Variants in ZNF746 observed in about 807,000 individuals in gnomAD.
ZNF746 encodes the protein zinc finger protein 746, also known as parkin-interacting substrate.
In ZNF746, 13 loss-of-function variants were observed where a neutral mutation model predicts 41.0. That is an observed-to-expected ratio of 0.32 (90% CI 0.21 to 0.50). ZNF746 has a LOEUF of 0.50. Ranked by LOEUF, ZNF746 falls within the 20% of genes least tolerant of loss-of-function variation. The probability of loss-of-function intolerance (pLI) is 0.98; values close to 1 mark genes in which losing one functional copy is unlikely to be tolerated. For synonymous variants in ZNF746, 424 were observed against 396.2 expected, an observed-to-expected ratio of 1.07 and a Z score of -0.83; for missense variants, 811 against 922.9, an observed-to-expected ratio of 0.88 and a Z score of 1.57.
At chr7:149,493,858 G>C (rs185331310) in intron 3 of ZNF746, 131 bp downstream of exon 3, 8 of 1,464,414 alleles carry the variant, frequency 5.5e-6, no homozygotes, top group Non-Finnish European at 6.5e-6. Context: ...CTTCACAAAA[G>C]GTAACAACTT....
At chr7:149,476,773 GAATGTGCA>G in intron 6 of ZNF746, 141 bp downstream of exon 6, 1 of 1,047,350 alleles carries the variant, frequency 9.5e-7, no homozygotes, top group Non-Finnish European at 1.4e-6. Context: ...ATAAATAACA[GAATGTGCA>G]AAGGGTCATA....
Position 149,476,946 on chromosome 7 carries a change from G to A in ZNF746, c.859C>T (p.Leu287Phe). 1 of 1,614,030 alleles carries A rather than the reference G, an allele frequency of 6.2e-7. No individual in the cohort carries two copies. Among genetic ancestry groups the A allele is most frequent in the Non-Finnish European group, 8.5e-7 (1 of 1,179,996 alleles). Residue 287 changes from leucine (L) to phenylalanine (F), a missense_variant, in exon 6 of 7, where the codon CTC becomes TTC. Coordinates refer to ENST00000458143, the MANE Select transcript of ZNF746 (RefSeq NM_001394198.1). Reference protein sequence around the residue: ...SSACSDGTLKLNTAASTEADV... With the variant: ...SSACSDGTLKFNTAASTEADV... The stretch of plus-strand genomic sequence containing the variant: ...CCTTCCGTGGAGGCTGCTGTGTTGA[G>A]CTTCAGGGTCCCGTCCGAGCATGCT...
intron 4 of ZNF746, among the ~76,000 whole-genome samples, chr7:149,483,497 C>T (rs944849294): frequency 1.8e-4 from 27 of 152,096 alleles, no homozygotes; most frequent in African/African-American, 6.0e-4. Context: ...GTCCCAGCTA[C>T]TCGGGAGGCT....
In ZNF746 at chr7:149,474,426, A is replaced by G. The variant is rs776101631; in HGVS notation, c.1941T>C (p.Cys647=). The G allele has an allele frequency of 2.5e-6, 4 of 1,611,048 alleles. No homozygotes were observed. Among genetic ancestry groups the G allele is most frequent in the East Asian group, 2.2e-5 (1 of 44,780 alleles). ...CGGTGGGTCCCAGGACGCTGAGGCC[A>G]CAAGTCCAGTCGGTCACAAGGTCTG... is the stretch of plus-strand genomic sequence containing the variant. ...ASTDLVTDWT[C]GLSVLGPTDG... Residue 647 remains cysteine (C), a synonymous_variant, in exon 7 of 7, where the codon TGT becomes TGC. Transcript: ENST00000458143. This position sits in a 1 kb window ranked among gnomAD's most constrained non-coding sequence, Gnocchi z 6.3.
chr7:149,494,438 A>G lies in ZNF746; in HGVS notation c.90T>C (p.Ala30=), dbSNP rs1473630198. ...TTCGACCTTCTAGGGAAAGCAGGCG[A>G]GCAGCCTGCGATTCAATCTTCCTCT... ...AMERKIESQA[A]RLLSLEGRTG... The change falls in exon 2 of 7, where the codon GCT becomes GCC. Residue 30 remains alanine (A), a synonymous_variant. Transcript: ENST00000458143. This position sits in a 1 kb window ranked among gnomAD's most constrained non-coding sequence, Gnocchi z 5.6. The G allele has an allele frequency of 6.2e-7, 1 of 1,614,004 alleles. No homozygotes were observed. Among genetic ancestry groups the G allele is most frequent in the Non-Finnish European group, 8.5e-7 (1 of 1,179,884 alleles).
chr7:149,477,581 G>A lies in ZNF746; in HGVS notation c.740C>T (p.Ser247Phe), dbSNP rs369210009. The change falls in exon 5 of 7, where the codon TCC (serine) becomes TTC (phenylalanine). Residue 247 changes from serine to phenylalanine, a missense_variant. Coordinates refer to ENST00000458143, the MANE Select transcript of ZNF746 (RefSeq NM_001394198.1). ...CCACTTACCAGAGGTGGCATCCGTG[G>A]AGATGTCTCCTGCTCCGGAATCCAG... ...SQLDSGAGDISTDATSGVHSN... is the reference protein window; with the variant it reads ...SQLDSGAGDIFTDATSGVHSN... The A allele has an allele frequency of 1.2e-6, 2 of 1,610,370 alleles. No homozygotes were observed. Among genetic ancestry groups the A allele is most frequent in the African/African-American group, 2.7e-5 (2 of 74,868 alleles).
At chr7:149,476,858 C>T (rs778957965) in intron 6 of ZNF746, 64 bp downstream of exon 6, 694 of 1,609,714 alleles carry the variant, frequency 4.3e-4, no homozygotes, top group Non-Finnish European at 5.4e-4. Context: ...AAATGGGATG[C>T]CTGGACCGAG....
chr7:149,475,329 T>C lies in ZNF746; in HGVS notation c.1038A>G (p.Glu346=), dbSNP rs138172821. The C allele has an allele frequency of 1.1e-5, 17 of 1,614,038 alleles. No homozygotes were observed. In the African/African-American group the frequency reaches 1.9e-4, roughly 18 times the overall value. Residue 346 remains glutamate (E), a synonymous_variant, in exon 7 of 7, where the codon GAA becomes GAG. Transcript: ENST00000458143. ...GGCTGGGGAAGGAGCTGCCCTGGCT[T>C]TCCCAGGCTCCTTCCTGGGCAGGAC... ...FPSPAQEGAW[E]SQGSSFPSQD...
rs1012673703 is a variant in ZNF746 at position 149,497,175 on chromosome 7, G to C, written c.24+338C>G. 1 of 985,376 alleles carries C rather than the reference G, an allele frequency of 1.0e-6. No individual in the cohort carries two copies. Among genetic ancestry groups the C allele is most frequent in the Non-Finnish European group, 1.2e-6 (1 of 829,902 alleles). 61.0% of individuals were successfully genotyped at this position (985,376 alleles called of 1,614,324 possible). A position where few individuals can be genotyped will look rare whatever the true frequency, so the allele number is the denominator to read the frequency against. On this transcript the variant is annotated intron_variant, in intron 1 of 6. Transcript: ENST00000458143. The surrounding 1 kb of genome is among the most constrained non-coding windows in gnomAD (Gnocchi z 4.2). ...AGAGGGACCTACAGGCCGAGCGCCA[G>C]GCAGAGAAAGGAGCCGCGGGTGGGG...
chr7:149,497,194 G>C lies in ZNF746; in HGVS notation c.24+319C>G. 1 of 985,266 alleles carries C rather than the reference G, an allele frequency of 1.0e-6. No individual in the cohort carries two copies. Among genetic ancestry groups the C allele is most frequent in the Non-Finnish European group, 1.2e-6 (1 of 829,842 alleles). 61.0% of individuals were successfully genotyped at this position (985,266 alleles called of 1,614,324 possible). ...GCGCCAGGCAGAGAAAGGAGCCGCGGGTGGGGGGGCACCCAGAAGGAGGGG... is the reference window on the plus strand; with the variant it reads ...GCGCCAGGCAGAGAAAGGAGCCGCGCGTGGGGGGGCACCCAGAAGGAGGGG... On this transcript the variant is annotated intron_variant, in intron 1 of 6. Transcript: ENST00000458143. This position sits in a 1 kb window ranked among gnomAD's most constrained non-coding sequence, Gnocchi z 4.2.
chr7:149,486,791 G>T lies in ZNF746; in HGVS notation c.565+6068C>A, dbSNP rs75984839. On this transcript the variant is annotated intron_variant, in intron 4 of 6. Coordinates refer to ENST00000458143, the MANE Select transcript of ZNF746 (RefSeq NM_001394198.1). ...GGGGTGTGATCAGGGGAGGACGGGG[G>T]TCCAAGAGGTTCAAGCTGTGGTCTC... Among the ~76,000 whole-genome samples the T allele has an allele frequency of 0.016, 2,439 of 152,286 alleles. 128 individuals are homozygous for T. The East Asian group carries it at 0.19, about 12-fold the overall frequency.
chr7:149,485,316 T>C (rs1800592318), intron 4 of ZNF746, among the ~76,000 whole-genome samples: 3 of 152,314 alleles, frequency 2.0e-5, no homozygotes, highest in African/African-American at 4.8e-5. Context: ...TCCAAAATGT[T>C]AATAGATGGA....
chr7:149,475,859 G>A (rs1800282170), intron 6 of ZNF746, among the ~76,000 whole-genome samples: 1 of 152,228 alleles, frequency 6.6e-6, no homozygotes, highest in Non-Finnish European at 1.5e-5. Context: ...CCAGCTGTGG[G>A]CTGCAGGCAG....
chr7:149,475,409 G>C lies in ZNF746; in HGVS notation c.958C>G (p.Leu320Val). 1 of 1,614,184 alleles carries C rather than the reference G, an allele frequency of 6.2e-7. No homozygotes were observed. The stretch of plus-strand genomic sequence containing the variant: ...CCAAACAGGGTCCCGTGAGCCTCTA[G>C]GTCAGTAGGATGTACGGGTGTGGCC... The part of the protein sequence containing the change: ...VVATPVHPTD[L>V]EAHGTLFGPG... The change falls in exon 7 of 7, where the codon CTA becomes GTA. Residue 320 changes from leucine to valine, a missense_variant. Leu to Val is a conservative substitution (Grantham distance 32). Around this residue, in one of 4 missense-constraint regions of ZNF746, gnomAD observed 495 missense variants for 481.6 expected, o/e 1.03. Coordinates refer to ENST00000458143, the MANE Select transcript of ZNF746 (RefSeq NM_001394198.1).
In ZNF746 at chr7:149,475,188, G is replaced by C; in HGVS notation, c.1179C>G (p.Val393=). The C allele has an allele frequency of 1.9e-6, 3 of 1,612,738 alleles. No individual in the cohort carries two copies. Among genetic ancestry groups the C allele is most frequent in the Non-Finnish European group, 2.5e-6 (3 of 1,179,776 alleles). Residue 393 remains valine, a synonymous_variant, in exon 7 of 7, where the codon GTC becomes GTG. Coordinates refer to ENST00000458143, the MANE Select transcript of ZNF746 (RefSeq NM_001394198.1). ...TACACCGGAAATTCCAGCCCCACCG[G>C]ACCCCTCCGAAGAGCCAGTCCCCAG... ...TPPGDWLFGG[V]RWGWNFRCKP...
chr7:149,484,223 C>G (rs1563252323), intron 4 of ZNF746, among the ~76,000 whole-genome samples: 1 of 152,006 alleles, frequency 6.6e-6, no homozygotes, highest in Non-Finnish European at 1.5e-5. Flanking sequence ...ATACCGAAAC[C>G]AGACAAAAAC....
chr7:149,497,583 C>A lies in ZNF746; in HGVS notation c.-47G>T. The A allele has an allele frequency of 2.9e-6, 3 of 1,041,194 alleles. No individual in the cohort carries two copies. The highest frequency in any genetic ancestry group is 1.7e-5 in the African/African-American group (1 of 58,068). The allele number at this position is 1,041,194 out of a possible 1,614,324, so 64.5% of individuals were successfully genotyped here. ...GCCCGGAGGAAGTCGTCGTCGCCGC[C>A]GCCGCGCGCGGCACCACGCAGGCCC... On this transcript the variant is annotated 5_prime_UTR_variant, in exon 1 of 7. Transcript: ENST00000458143. The surrounding 1 kb of genome is among the most constrained non-coding windows in gnomAD (Gnocchi z 4.2).
chr7:149,479,635 A>G (rs998752962), intron 4 of ZNF746, among the ~76,000 whole-genome samples: 1 of 152,246 alleles, frequency 6.6e-6, no homozygotes, highest in African/African-American at 2.4e-5. Context: ...AAAACAATAT[A>G]ATCATCTCAA....
In ZNF746 at chr7:149,474,681, G is replaced by C. The variant is rs1800222881; in HGVS notation, c.1686C>G (p.Arg562=). Reference sequence around the variant, plus strand: ...CGATGAGCTTGGAGCGTTCGGTGAAGCGCTTCTCACACTCGGTGCAGGGGA... The same window carrying C: ...CGATGAGCTTGGAGCGTTCGGTGAACCGCTTCTCACACTCGGTGCAGGGGA... ...RPFPCTECEK[R]FTERSKLIDH... is the part of the protein sequence containing the mutation. The change falls in exon 7 of 7, where the codon CGC becomes CGG. Residue 562 remains arginine (R), a synonymous_variant. Coordinates refer to ENST00000458143, the MANE Select transcript of ZNF746 (RefSeq NM_001394198.1). The surrounding 1 kb of genome is among the most constrained non-coding windows in gnomAD (Gnocchi z 6.3). 2 of 1,613,350 alleles carry C rather than the reference G, an allele frequency of 1.2e-6. No individual in the cohort carries two copies. The highest frequency in any genetic ancestry group is 1.7e-6 in the Non-Finnish European group (2 of 1,179,804).
Sources: allele counts gnomAD v4.1 joint callset (sites outside exome capture counted in the v4.1 genomes callset), GRCh38; gene constraint gnomAD v4.1.1; regional missense constraint gnomAD v4.1.1; non-coding constraint Gnocchi (gnomAD v3.1); transcripts MANE v1.5; gene names NCBI Gene and HGNC (gene_info 2026-07-23, HGNC 2026-07-21).